PLEKHM3: variants seen among roughly 807,000 people sequenced by gnomAD.
PLEKHM3 encodes pleckstrin homology domain-containing family M member 3.
Under a neutral mutation model 81.8 loss-of-function variants are expected in PLEKHM3, and 45 were observed. That is an observed-to-expected ratio of 0.55 (90% CI 0.43 to 0.71). The LOEUF is 0.71. Ranked by LOEUF, PLEKHM3 falls within the 30% of genes least tolerant of loss-of-function variation. The probability of loss-of-function intolerance (pLI) is 0.00; values close to 1 mark genes in which losing one functional copy is unlikely to be tolerated. For missense variants in PLEKHM3, 788 were observed against 924.3 expected (o/e 0.85, Z 1.91); for synonymous variants, 352 against 356.4 (o/e 0.99, Z 0.14).
At chr2:207,840,184 T>C (rs535663864) in intron 7 of PLEKHM3, among the ~76,000 whole-genome samples, 1 of 152,302 alleles carries the variant, frequency 6.6e-6, no homozygotes, top group African/African-American at 2.4e-5. Flanking sequence ...TATTAACTAA[T>C]GTGGGTTTTG....
intron 7 of PLEKHM3, among the ~76,000 whole-genome samples, chr2:207,848,892 G>A (rs1468764082): frequency 2.0e-5 from 3 of 152,172 alleles, no homozygotes; most frequent in Non-Finnish European, 4.4e-5. Context: ...AAGTTTCATG[G>A]GAGGCTGCCT....
intron 4 of PLEKHM3, among the ~76,000 whole-genome samples, chr2:207,941,602 A>G (rs1334515908): frequency 6.6e-6 from 1 of 152,224 alleles, no homozygotes; most frequent in Non-Finnish European, 1.5e-5. Flanking sequence ...ACAGGCAACA[A>G]GAGCAAAAAT....
intron 6 of PLEKHM3, 22 bp from the exon 7 acceptor site, chr2:207,861,284 A>G: frequency 6.2e-7 from 1 of 1,611,678 alleles, no homozygotes; most frequent in Non-Finnish European, 8.5e-7. Context: ...GAAATGGGAC[A>G]GGGAAGCACA....
At chr2:207,853,029 A>G (rs1368646685) in intron 7 of PLEKHM3, among the ~76,000 whole-genome samples, 1 of 152,126 alleles carries the variant, frequency 6.6e-6, no homozygotes, top group African/African-American at 2.4e-5. Flanking sequence ...AGAACTGCCT[A>G]CTGGCCTGTC....
chr2:207,977,502 T>C lies in PLEKHM3; in HGVS notation c.695A>G (p.Tyr232Cys), dbSNP rs200914137. The C allele has an allele frequency of 1.8e-4, 295 of 1,614,216 alleles. 2 individuals carry two copies. In the East Asian group the frequency reaches 6.4e-3, roughly 35 times the overall value. ...TAAGTTGTAAGGTGAAAGTTCTGCA[T>C]AACAGCTTTGCCAGTAACTGTCATG... is the stretch of plus-strand genomic sequence containing the variant. ...KDHDSYWQSC[Y>C]AELSPYNLYF... The change falls in exon 3 of 8, where the codon TAT becomes TGT. Residue 232 changes from tyrosine (Y) to cysteine (C), a missense_variant. Transcript: ENST00000427836.
chr2:207,867,500 A>T (rs1376627397), intron 6 of PLEKHM3, among the ~76,000 whole-genome samples: 1 of 152,190 alleles, frequency 6.6e-6, no homozygotes, highest in Non-Finnish European at 1.5e-5. Flanking sequence ...GTCTTTGAAT[A>T]CAACTATTAG....
chr2:208,012,797 C>T lies in PLEKHM3; in HGVS notation c.-318-10840G>A, dbSNP rs913023725. Among the ~76,000 whole-genome samples, 3 of 152,236 alleles carry T rather than the reference C, an allele frequency of 2.0e-5. No individual in the cohort carries two copies. In the East Asian group the frequency reaches 5.8e-4, roughly 29 times the overall value. On this transcript the variant is annotated intron_variant, in intron 1 of 7. Transcript: ENST00000427836. ...ATCTACCTGAGAAAGCAGAGAAGCA[C>T]AAATGTGGACAAAGTATGTGAAAGT...
intron 3 of PLEKHM3, among the ~76,000 whole-genome samples, chr2:207,957,382 A>G (rs1201291938): frequency 6.6e-6 from 1 of 152,200 alleles, no homozygotes; most frequent in Admixed American, 6.5e-5. Context: ...TTTACGTAAG[A>G]TGCAGAGGTC....
chr2:208,022,590 T>G (rs1445174589), intron 1 of PLEKHM3, among the ~76,000 whole-genome samples: 1 of 152,228 alleles, frequency 6.6e-6, no homozygotes. Flanking sequence ...TCAGCAACTC[T>G]AGGCCTCCAG....
intron 7 of PLEKHM3, among the ~76,000 whole-genome samples, chr2:207,848,258 T>A (rs1048980753): frequency 1.3e-5 from 2 of 152,204 alleles, no homozygotes; most frequent in Admixed American, 6.5e-5. Context: ...AAATTTTGCC[T>A]AAACACTTAA....
chr2:207,980,791 A>ATGGTGTATTCTTACAGGCTGC lies in PLEKHM3; in HGVS notation c.611-3226_611-3206dup, dbSNP rs1691495356. ...TCACCATATTGCCAAGGCTGGGGAA[A>ATGGTGTATTCTTACAGGCTGC]TGGTGTATTCTTACAGGCTGCTGTT... On this transcript the variant is annotated intron_variant, in intron 2 of 7. Coordinates refer to ENST00000427836, the MANE Select transcript of PLEKHM3 (RefSeq NM_001080475.3). 2.6e-5 allele frequency among the ~76,000 whole-genome samples: 4 copies of ATGGTGTATTCTTACAGGCTGC among 152,130 alleles called. No individual in the cohort carries two copies. In the South Asian group the frequency reaches 8.3e-4, roughly 32 times the overall value.
chr2:207,910,598 T>A (rs1478734537), intron 5 of PLEKHM3, among the ~76,000 whole-genome samples: 4 of 152,086 alleles, frequency 2.6e-5, no homozygotes. Context: ...TCCTTCTAAT[T>A]TCTTGGGGCT....
intron 3 of PLEKHM3, among the ~76,000 whole-genome samples, chr2:207,955,311 C>G (rs1359553212): frequency 6.6e-6 from 1 of 152,006 alleles, no homozygotes; most frequent in Admixed American, 6.5e-5. Context: ...GTATTTTTTT[C>G]ATCCTGTTTT....
chr2:207,841,680 T>C (rs992469176), intron 7 of PLEKHM3, among the ~76,000 whole-genome samples: 5 of 151,576 alleles, frequency 3.3e-5, no homozygotes, highest in Non-Finnish European at 7.4e-5. Flanking sequence ...AATAATACTT[T>C]TTTTGTTCCA....
chr2:207,853,712 C>T (rs1032272821), intron 7 of PLEKHM3, among the ~76,000 whole-genome samples: 1 of 151,996 alleles, frequency 6.6e-6, no homozygotes, highest in African/African-American at 2.4e-5. Context: ...CCAGCCTTGG[C>T]GACCTAGCAA....
At chr2:208,008,596 C>T (rs942251770) in intron 1 of PLEKHM3, among the ~76,000 whole-genome samples, 9 of 151,814 alleles carry the variant, frequency 5.9e-5, no homozygotes, top group Admixed American at 3.9e-4. Context: ...AGACCCCACT[C>T]AATTGAACTT....
intron 7 of PLEKHM3, chr2:207,852,808 T>C (rs2092419440): frequency 4.5e-6 from 2 of 447,602 alleles, no homozygotes; most frequent in South Asian, 3.2e-5. Context: ...CATATCCTTG[T>C]AATAAATCTG....
Position 207,828,535 on chromosome 2 carries a change from A to G in PLEKHM3, c.2109-39T>C, listed in dbSNP as rs200565622. 5.0e-6 allele frequency: 8 copies of G among 1,595,998 alleles called. No homozygotes were observed. In the East Asian group the frequency reaches 1.6e-4, roughly 31 times the overall value. ...CCATGGATATGATGAGCAAGACTGA[A>G]GCCAGCAAGACACAAATGGGAAGCC... On this transcript the variant is annotated intron_variant, in intron 7 of 7. Coordinates refer to ENST00000427836, the MANE Select transcript of PLEKHM3 (RefSeq NM_001080475.3).
At chr2:207,905,874 C>T (rs931336883) in intron 6 of PLEKHM3, among the ~76,000 whole-genome samples, 2 of 152,034 alleles carry the variant, frequency 1.3e-5, no homozygotes, top group Non-Finnish European at 2.9e-5. Flanking sequence ...CAAGAATACC[C>T]CTGCCACTGA....
Sources: gnomAD v4.1 joint callset for allele counts (sites outside exome capture counted in the v4.1 genomes callset) on GRCh38, gnomAD v4.1.1 for gene constraint, MANE v1.5 for transcripts, NCBI Gene and HGNC (gene_info 2026-07-23, HGNC 2026-07-21) for gene names.